CUL4B: variants seen among roughly 807,000 people sequenced by gnomAD.
CUL4B encodes cullin-4B.
Under a neutral mutation model 69.2 loss-of-function variants are expected in CUL4B, and 1 was observed. The observed-to-expected ratio is 0.01, with a 90% CI of 0.01 to 0.07. The LOEUF (loss-of-function observed/expected upper bound fraction) is 0.07. Among genes scored for constraint, CUL4B ranks in the 10% least tolerant of loss-of-function variants. CUL4B has a pLI of 1.00. For synonymous variants in CUL4B, 237 were observed against 223.2 expected, an observed-to-expected ratio of 1.06 and a Z score of -0.55; for missense variants, 328 against 638.8, an observed-to-expected ratio of 0.51 and a Z score of 5.24.
chrX:120,530,522 A>G (rs1923243825), intron 18 of CUL4B, among the ~76,000 whole-genome samples: 1 of 112,090 alleles, frequency 8.9e-6, no homozygotes, highest in Admixed American at 9.5e-5. Flanking sequence ...CTAGAAGTAG[A>G]GATAGCTGAT....
upstream of CUL4B, chrX:120,561,241 C>G (rs1242121711): frequency 7.9e-6 from 4 of 506,310 alleles, no homozygotes; most frequent in Non-Finnish European, 1.4e-5. Flanking sequence ...GACGCTCGCG[C>G]TAGTTCGCTC....
chrX:120,574,769 G>A, intron 1 of CUL4B: 1 of 547,789 alleles, frequency 1.8e-6, no homozygotes, highest in Non-Finnish European at 3.1e-6. Context: ...TCAAAATTTT[G>A]GTCTGCTAAT....
intron 16 of CUL4B, among the ~76,000 whole-genome samples, chrX:120,535,313 G>A (rs1056038547): frequency 9.0e-6 from 1 of 111,600 alleles, no homozygotes; most frequent in Non-Finnish European, 1.9e-5. Flanking sequence ...CAAATCAATC[G>A]TGGAAAGACC....
chrX:120,570,872 T>C (rs1175861288), downstream of CUL4B, among the ~76,000 whole-genome samples: 1 of 111,494 alleles, frequency 9.0e-6, no homozygotes, highest in African/African-American at 3.3e-5. Flanking sequence ...CTTGCAGATA[T>C]ATAATATGAT....
chrX:120,567,816 G>A (rs151201128), downstream of CUL4B, among the ~76,000 whole-genome samples: 669 of 107,757 alleles, frequency 6.2e-3, 6 homozygotes, highest in African/African-American at 0.022. Flanking sequence ...TCCAGCTGCA[G>A]TGAGCTATGA....
At chrX:120,551,162 C>A (rs767304838) in intron 2 of CUL4B, among the ~76,000 whole-genome samples, 1 of 111,409 alleles carries the variant, frequency 9.0e-6, no homozygotes, top group East Asian at 2.8e-4. Flanking sequence ...GCATGGTGTT[C>A]AAGGCAAATC....
At chrX:120,561,587 G>T (rs187503993), upstream of CUL4B, 2 of 332,695 alleles carry the variant, frequency 6.0e-6, no homozygotes, top group African/African-American at 6.0e-5. Flanking sequence ...GCGGGAAGGA[G>T]CCTCGGGGGA....
Position 120,560,861 on chromosome X carries a change from G to C in CUL4B, c.-223C>G, listed in dbSNP as rs1236668984. 33 of 750,375 alleles carry C rather than the reference G, an allele frequency of 4.4e-5. No homozygotes were observed. Among genetic ancestry groups the C allele is most frequent in the African/African-American group, 4.7e-5 (2 of 42,514 alleles). 61.8% of individuals were successfully genotyped at this position (750,375 alleles called of 1,213,427 possible). A position where few individuals can be genotyped will look rare whatever the true frequency, so the allele number is the denominator to read the frequency against. ...ACCAGGAGTGAGCAGAACGAGGGGGGAGAGCGAATGAGGAGGCAGACAGGT... is the reference window on the plus strand; with the variant it reads ...ACCAGGAGTGAGCAGAACGAGGGGGCAGAGCGAATGAGGAGGCAGACAGGT... On this transcript the variant is annotated 5_prime_UTR_variant, in exon 1 of 20. Coordinates refer to ENST00000371322, the MANE Select transcript of CUL4B (RefSeq NM_001079872.2).
intron 1 of CUL4B, chrX:120,559,705 T>A: frequency 5.8e-6 from 5 of 856,811 alleles, no homozygotes; most frequent in Non-Finnish European, 4.7e-6. Flanking sequence ...AGCATAAAAA[T>A]AAAAATCCCA....
At position 120,524,624 on chromosome X, in the gene CUL4B, A is replaced by G. The variant is rs1244302560; in HGVS notation, c.*2137T>C. ...CTTCTCTAGAAACTTTTTTTAAATAAAAGTTTTATTGGAGAAAAATAGAAC... is the reference window on the plus strand; with the variant it reads ...CTTCTCTAGAAACTTTTTTTAAATAGAAGTTTTATTGGAGAAAAATAGAAC... On this transcript the variant is annotated 3_prime_UTR_variant, in exon 20 of 20. Coordinates refer to ENST00000371322, the MANE Select transcript of CUL4B (RefSeq NM_001079872.2). The G allele has an allele frequency of 8.9e-6, 1 of 112,410 alleles. No homozygotes were observed. Among genetic ancestry groups the G allele is most frequent in the Non-Finnish European group, 1.9e-5 (1 of 53,218 alleles). The allele number at this position is 112,410 out of a possible 1,213,427, so 9.3% of individuals were successfully genotyped here.
intron 10 of CUL4B, 141 bp downstream of exon 10, chrX:120,541,461 C>G (rs903124138): frequency 4.0e-6 from 2 of 502,491 alleles, no homozygotes; most frequent in African/African-American, 4.8e-5. Context: ...ATCGTGCCAC[C>G]GCACTCCAGC....
downstream of CUL4B, among the ~76,000 whole-genome samples, chrX:120,569,723 A>C (rs901580867): frequency 9.0e-6 from 1 of 111,532 alleles, no homozygotes; most frequent in African/African-American, 3.3e-5. Context: ...AGACAGAGTG[A>C]CAAAGGCCAC....
At chrX:120,543,596 G>A in intron 8 of CUL4B, 131 bp downstream of exon 8, 5 of 505,179 alleles carry the variant, frequency 9.9e-6, no homozygotes, top group Non-Finnish European at 1.7e-5. Flanking sequence ...CTTGAAGTTT[G>A]TATTATGAAA....
At chrX:120,555,052 G>A (rs550310351) in intron 2 of CUL4B, among the ~76,000 whole-genome samples, 1 of 112,038 alleles carries the variant, frequency 8.9e-6, no homozygotes, top group South Asian at 3.6e-4. Context: ...AAAGCAGTAA[G>A]GTATTATGAA....
chrX:120,535,563 G>A (rs1309198376), intron 16 of CUL4B, among the ~76,000 whole-genome samples: 2 of 108,571 alleles, frequency 1.8e-5, no homozygotes, highest in African/African-American at 6.7e-5. Context: ...AAAATTAGCT[G>A]GGTATGGTGG....
chrX:120,526,963 CT>C lies in CUL4B; in HGVS notation c.2593-108del, dbSNP rs771017616. On this transcript the variant is annotated intron_variant, in intron 19 of 19. Coordinates refer to ENST00000371322, the MANE Select transcript of CUL4B (RefSeq NM_001079872.2). ...AACAGTTTCGGCTCATGAATTTAAT[CT>C]CCTTTTTTAAAATTTTTATTTATTT... 6 of 389,260 alleles carry C rather than the reference CT, an allele frequency of 1.5e-5. No homozygotes were observed. In the Admixed American group the frequency reaches 2.6e-4, roughly 17 times the overall value. The allele number at this position is 389,260 out of a possible 1,213,427, so 32.1% of individuals were successfully genotyped here.
upstream of CUL4B, among the ~76,000 whole-genome samples, chrX:120,563,053 G>T (rs891598079): frequency 3.6e-5 from 4 of 111,916 alleles, no homozygotes; most frequent in Non-Finnish European, 7.5e-5. Flanking sequence ...GTCTTGAAAA[G>T]TCCCTGATTA....
At chrX:120,540,117 T>C (rs1046622910) in intron 11 of CUL4B, among the ~76,000 whole-genome samples, 1 of 112,322 alleles carries the variant, frequency 8.9e-6, no homozygotes, top group South Asian at 3.7e-4. Context: ...GGAAAACAGA[T>C]TAGCTTATTA....
intron 2 of CUL4B, among the ~76,000 whole-genome samples, chrX:120,556,668 C>T (rs752119011): frequency 4.6e-5 from 5 of 109,007 alleles, no homozygotes; most frequent in African/African-American, 6.7e-5. Flanking sequence ...AGCAAGACCC[C>T]TATCTCTTAA....
Sources: allele counts gnomAD v4.1 joint callset (sites outside exome capture counted in the v4.1 genomes callset), GRCh38; gene constraint gnomAD v4.1.1; transcripts MANE v1.5; gene names NCBI Gene and HGNC (gene_info 2026-07-23, HGNC 2026-07-21).